Variants in PIGL observed in about 807,000 individuals in gnomAD.
The protein encoded by PIGL is phosphatidylinositol glycan anchor biosynthesis class L.
In PIGL, 22 loss-of-function variants were observed where a neutral mutation model predicts 31.1. The observed-to-expected ratio is 0.71, with a 90% CI of 0.51 to 1.01. The LOEUF is 1.01. Ranked by LOEUF, PIGL falls within the 50% of genes least tolerant of loss-of-function variation. PIGL has a pLI of 0.00. For missense variants in PIGL, 302 were observed against 315.9 expected (o/e 0.96, Z 0.33); for synonymous variants, 131 against 117.4 (o/e 1.12, Z -0.75).
intron 1 of PIGL, among the ~76,000 whole-genome samples, chr17:16,221,964 G>C (rs1600736833): frequency 6.6e-6 from 1 of 152,072 alleles, no homozygotes; most frequent in Admixed American, 6.6e-5. Context: ...TTGTTGGCCA[G>C]GCTGGTCTTG....
At chr17:16,295,938 T>C (rs1226213534) in intron 2 of PIGL, among the ~76,000 whole-genome samples, 1 of 151,686 alleles carries the variant, frequency 6.6e-6, no homozygotes, top group Non-Finnish European at 1.5e-5. Flanking sequence ...CGAAACACCA[T>C]CTCAAAAATA....
At chr17:16,263,015 C>A (rs1345710443) in intron 2 of PIGL, among the ~76,000 whole-genome samples, 2 of 149,682 alleles carry the variant, frequency 1.3e-5, no homozygotes, top group Non-Finnish European at 2.9e-5. Context: ...AGAAGCAAAT[C>A]CATAGAAACA....
In PIGL at chr17:16,288,438, C is replaced by T. The variant is rs1005153908; in HGVS notation, c.336-11450C>T. The stretch of plus-strand genomic sequence containing the variant: ...GCCAGACTGGTCTTGAACTCCTGAC[C>T]TCGTGATCCACCCGCCTTGGCCTCC... On this transcript the variant is annotated intron_variant, in intron 2 of 6. Coordinates refer to ENST00000225609, the MANE Select transcript of PIGL (RefSeq NM_004278.4). Among the ~76,000 whole-genome samples, 3 of 152,222 alleles carry T rather than the reference C, an allele frequency of 2.0e-5. No individual in the cohort carries two copies. In the South Asian group the frequency reaches 6.2e-4, roughly 31 times the overall value.
intron 1 of PIGL, among the ~76,000 whole-genome samples, chr17:16,218,546 T>A (rs1051545174): frequency 6.6e-6 from 1 of 152,152 alleles, no homozygotes; most frequent in African/African-American, 2.4e-5. Flanking sequence ...GGTTTTTTCC[T>A]AGTTTATTGC....
chr17:16,302,663 G>T (rs913520799), intron 3 of PIGL, among the ~76,000 whole-genome samples: 1 of 151,970 alleles, frequency 6.6e-6, no homozygotes, highest in Admixed American at 6.6e-5. Flanking sequence ...GCAGTGGCGC[G>T]ATCTCAGCTC....
intron 2 of PIGL, among the ~76,000 whole-genome samples, chr17:16,297,976 A>G (rs1171155013): frequency 6.6e-6 from 1 of 152,160 alleles, no homozygotes; most frequent in Non-Finnish European, 1.5e-5. Context: ...CAGCAGTGGA[A>G]TTAGATTCTC....
intron 2 of PIGL, among the ~76,000 whole-genome samples, chr17:16,261,118 CAAAA>C (rs34019457): frequency 8.4e-5 from 10 of 118,914 alleles, no homozygotes; most frequent in Non-Finnish European, 1.1e-4. Context: ...GACTCTATCT[CAAAA>C]AAAAAAAAAA....
At chr17:16,221,853 T>A (rs867531799) in intron 1 of PIGL, among the ~76,000 whole-genome samples, 10 of 152,204 alleles carry the variant, frequency 6.6e-5, no homozygotes, top group African/African-American at 2.4e-4. Flanking sequence ...ACTCCTGACC[T>A]CGTGATTCGC....
chr17:16,217,712 T>C, intron 1 of PIGL: 2 of 506,538 alleles, frequency 3.9e-6, no homozygotes, highest in East Asian at 6.6e-5. Flanking sequence ...GTTGGTTGTA[T>C]TCAGTACCTG....
In PIGL at chr17:16,270,622, C is replaced by T. The variant is rs151248131; in HGVS notation, c.336-29266C>T. Among the ~76,000 whole-genome samples, 530 of 152,190 alleles carry T rather than the reference C, an allele frequency of 3.5e-3. 1 individual carries two copies. Among genetic ancestry groups the T allele is most frequent in the Middle Eastern group, 6.8e-3 (2 of 292 alleles). On this transcript the variant is annotated intron_variant, in intron 2 of 6. Transcript: ENST00000225609. ...TGAAAACTTAAGTAGTCAGGCCAGG[C>T]ACAGTGGCTCACGCCTGTAATCCCA...
intron 1 of PIGL, among the ~76,000 whole-genome samples, chr17:16,225,505 C>G (rs1207304621): frequency 6.7e-6 from 1 of 150,044 alleles, no homozygotes; most frequent in East Asian, 2.0e-4. Flanking sequence ...TCTCCTGCCT[C>G]AGCCTCCTGA....
intron 3 of PIGL, among the ~76,000 whole-genome samples, chr17:16,310,469 A>G (rs1050797961): frequency 4.6e-5 from 7 of 152,282 alleles, no homozygotes; most frequent in Middle Eastern, 6.8e-3. Context: ...TCCAGACCCC[A>G]GGAGAAAGAA....
At position 16,283,218 on chromosome 17, in the gene PIGL, G is replaced by T. The variant is rs200415116; in HGVS notation, c.336-16670G>T. Among the ~76,000 whole-genome samples, 14 of 152,228 alleles carry T rather than the reference G, an allele frequency of 9.2e-5. No individual in the cohort carries two copies. In the East Asian group the frequency reaches 2.7e-3, roughly 29 times the overall value. On this transcript the variant is annotated intron_variant, in intron 2 of 6. Transcript: ENST00000225609. ...GGATTTCACCATGTTGGCCAGGATGGTGTCTAACTTCTGACCTCAGGTGAT... is the reference window on the plus strand; with the variant it reads ...GGATTTCACCATGTTGGCCAGGATGTTGTCTAACTTCTGACCTCAGGTGAT...
At position 16,254,361 on chromosome 17, in the gene PIGL, C is replaced by T. The variant is rs543486286; in HGVS notation, c.335+20291C>T. ...TCAGCTCAATGCAACCTCTGCCTCC[C>T]GGGTTCAAGCGATTCTCCTACCTCA... On this transcript the variant is annotated intron_variant, in intron 2 of 6. Transcript: ENST00000225609. 1.1e-4 allele frequency among the ~76,000 whole-genome samples: 16 copies of T among 152,176 alleles called. No individual in the cohort carries two copies. The East Asian group carries it at 1.4e-3, about 13-fold the overall frequency.
intron 2 of PIGL, among the ~76,000 whole-genome samples, chr17:16,299,458 A>G (rs558290632): frequency 1.4e-4 from 22 of 152,254 alleles, no homozygotes; most frequent in Middle Eastern, 3.4e-3. Context: ...AGAAAAAAAC[A>G]AAACAAAACA....
At chr17:16,270,880 G>A (rs1183635516) in intron 2 of PIGL, among the ~76,000 whole-genome samples, 9 of 138,738 alleles carry the variant, frequency 6.5e-5, no homozygotes, top group Admixed American at 6.0e-4. Flanking sequence ...GCGACAGAGC[G>A]AGACTGTCTC....
intron 2 of PIGL, among the ~76,000 whole-genome samples, chr17:16,282,455 T>C (rs1256396430): frequency 6.6e-6 from 1 of 152,180 alleles, no homozygotes; most frequent in African/African-American, 2.4e-5. Context: ...GTAAAATATC[T>C]AATTTTACAT....
At chr17:16,297,984 C>G (rs927161875) in intron 2 of PIGL, among the ~76,000 whole-genome samples, 3 of 152,160 alleles carry the variant, frequency 2.0e-5, no homozygotes, top group Non-Finnish European at 4.4e-5. Flanking sequence ...GAATTAGATT[C>G]TCATAGGACT....
At chr17:16,261,282 G>A (rs1042732108) in intron 2 of PIGL, among the ~76,000 whole-genome samples, 1 of 152,136 alleles carries the variant, frequency 6.6e-6, no homozygotes, top group African/African-American at 2.4e-5. Flanking sequence ...AAACCCAGTG[G>A]GTGCAAGCAA....
Sources: allele counts gnomAD v4.1 joint callset (sites outside exome capture counted in the v4.1 genomes callset), GRCh38; gene constraint gnomAD v4.1.1; transcripts MANE v1.5; gene names NCBI Gene and HGNC (gene_info 2026-07-23, HGNC 2026-07-21).